The following ACSL4 variants were observed in gnomAD, a reference collection of about 807,000 sequenced individuals.
ACSL4 encodes the protein acyl-CoA synthetase long chain family member 4, also known as long-chain-fatty-acid--CoA ligase 4.
A neutral mutation model predicts 49.1 loss-of-function variants in ACSL4; 9 were observed. The ratio of observed to expected loss-of-function variants is 0.18; its 90% confidence interval spans 0.11 to 0.32. The LOEUF is 0.32. Ranked by LOEUF, ACSL4 falls within the 10% of genes least tolerant of loss-of-function variation. The pLI, the probability that ACSL4 is intolerant of heterozygous loss-of-function variation, is 1.00. For missense variants in ACSL4, 333 were observed against 493.7 expected, an observed-to-expected ratio of 0.67 and a Z score of 3.08; for synonymous variants, 191 against 170.3, an observed-to-expected ratio of 1.12 and a Z score of -0.95.
chrX:109,675,434 A>G (rs192293513), intron 8 of ACSL4, among the ~76,000 whole-genome samples: 216 of 112,600 alleles, frequency 1.9e-3, no homozygotes, highest in African/African-American at 6.5e-3. Flanking sequence ...CTGATTTCCT[A>G]TGTGAAGCAA....
chrX:109,728,925 A>G (rs1184684654), intron 1 of ACSL4, among the ~76,000 whole-genome samples: 1 of 111,517 alleles, frequency 9.0e-6, no homozygotes, highest in Non-Finnish European at 1.9e-5. Flanking sequence ...ATTAAGAATA[A>G]AAAGGCCAGG....
chrX:109,681,618 G>A (rs1457192589), intron 4 of ACSL4, among the ~76,000 whole-genome samples: 2 of 111,647 alleles, frequency 1.8e-5, no homozygotes, highest in Non-Finnish European at 3.8e-5. Context: ...AGAAACACTC[G>A]CACTGCCACA....
chrX:109,706,422 T>G (rs1038408620), intron 1 of ACSL4, among the ~76,000 whole-genome samples: 2 of 112,398 alleles, frequency 1.8e-5, no homozygotes, highest in African/African-American at 6.5e-5. Context: ...ACACCATTCC[T>G]TTTCCTTCAG....
chrX:109,650,961 G>C (rs1921070349), intron 15 of ACSL4, among the ~76,000 whole-genome samples: 1 of 111,651 alleles, frequency 9.0e-6, no homozygotes, highest in African/African-American at 3.2e-5. Flanking sequence ...TTCAAATGCA[G>C]ATAAAAAAGG....
At chrX:109,704,556 G>T (rs747685475) in intron 1 of ACSL4, among the ~76,000 whole-genome samples, 3 of 111,876 alleles carry the variant, frequency 2.7e-5, no homozygotes, top group South Asian at 3.7e-4. Context: ...TAGACTCTCA[G>T]AACCAAAATA....
At chrX:109,648,785 C>G (rs1260963522) in intron 15 of ACSL4, among the ~76,000 whole-genome samples, 1 of 101,005 alleles carries the variant, frequency 9.9e-6, no homozygotes, top group African/African-American at 3.6e-5. Context: ...CCCATTGTCT[C>G]AGCCCAAAAT....
At chrX:109,683,398 C>A in intron 2 of ACSL4, 23 bp from the exon 3 acceptor site, 1 of 1,210,884 alleles carries the variant, frequency 8.3e-7, no homozygotes, top group Non-Finnish European at 1.1e-6. Context: ...AAGAAAATAC[C>A]ATGGAATAAA....
At chrX:109,648,190 C>T (rs1934822047) in intron 15 of ACSL4, among the ~76,000 whole-genome samples, 2 of 111,456 alleles carry the variant, frequency 1.8e-5, no homozygotes, top group South Asian at 7.5e-4. Context: ...CAGCATCATC[C>T]TGATACCAAA....
intron 2 of ACSL4, among the ~76,000 whole-genome samples, chrX:109,688,018 G>A (rs1924743860): frequency 9.0e-6 from 1 of 111,497 alleles, no homozygotes; most frequent in African/African-American, 3.3e-5. Flanking sequence ...ACTTGTGATT[G>A]CTACCTCAAA....
rs1043136257 is a variant in ACSL4, at chrX:109,683,170, T to C, written c.194A>G (p.Asn65Ser). The change falls in exon 3 of 16, where the codon AAT becomes AGT. Residue 65 changes from asparagine (N) to serine (S), a missense_variant. Transcript: ENST00000672401. ...LGTREILSEE[N>S]EMQPNGKVFK... ...AACTTTTCCATTTGGCTGCATTTCA[T>C]TTTCTTCACTTAGGATTTCCCTGGT... 2 of 1,210,143 alleles carry C rather than the reference T, an allele frequency of 1.7e-6. No individual in the cohort carries two copies. Among genetic ancestry groups the C allele is most frequent in the Non-Finnish European group, 2.2e-6 (2 of 895,219 alleles).
chrX:109,680,122 C>T (rs1278139320), intron 6 of ACSL4, among the ~76,000 whole-genome samples: 1 of 111,559 alleles, frequency 9.0e-6, no homozygotes, highest in Non-Finnish European at 1.9e-5. Context: ...TCTTATGACA[C>T]AAATGCTGAT....
intron 10 of ACSL4, 141 bp downstream of exon 10, chrX:109,668,893 G>A: frequency 2.1e-6 from 1 of 476,130 alleles, no homozygotes; most frequent in South Asian, 4.1e-5. Context: ...ATAAGACTTA[G>A]AATAAAAGAG....
chrX:109,653,280 C>A (rs1921311368), intron 15 of ACSL4, among the ~76,000 whole-genome samples: 1 of 111,640 alleles, frequency 9.0e-6, no homozygotes, highest in Admixed American at 9.5e-5. Context: ...GTTAGAATGG[C>A]AATCATTAAA....
rs201456393 is a variant in ACSL4, at chrX:109,644,195, A to G, written c.1856-9T>C. 4.5e-4 allele frequency: 541 copies of G among 1,198,558 alleles called. No homozygotes were observed. Among genetic ancestry groups the G allele is most frequent in the Non-Finnish European group, 5.8e-4 (517 of 887,224 alleles). On this transcript the variant is annotated splice_polypyrimidine_tract_variant and intron_variant, in intron 15 of 15. Transcript: ENST00000672401. ...AAATCGCTCCAATTTCACTGAAATT[A>G]GAAGTGAAAGATGGGAGAAAAGGAG... is the stretch of plus-strand genomic sequence containing the variant.
chrX:109,708,567 A>C (rs1295579544), intron 1 of ACSL4, among the ~76,000 whole-genome samples: 1 of 112,209 alleles, frequency 8.9e-6, no homozygotes, highest in Non-Finnish European at 1.9e-5. Context: ...ATAACCTATA[A>C]GCTAAATAAA....
intron 8 of ACSL4, among the ~76,000 whole-genome samples, chrX:109,677,604 C>T (rs1327159690): frequency 1.8e-5 from 2 of 109,142 alleles, no homozygotes. Context: ...CATGGCGAAA[C>T]CCCATCTCTA....
chrX:109,697,271 T>G (rs1009871754), intron 1 of ACSL4, among the ~76,000 whole-genome samples: 1 of 111,968 alleles, frequency 8.9e-6, no homozygotes, highest in African/African-American at 3.2e-5. Flanking sequence ...TCTGAAGAAC[T>G]GAGGCTTTAT....
At chrX:109,683,108 A>G in intron 3 of ACSL4, 28 bp downstream of exon 3, 1 of 1,185,455 alleles carries the variant, frequency 8.4e-7, no homozygotes, top group Non-Finnish European at 1.1e-6. Flanking sequence ...TCTTTAAAAC[A>G]TAAATGAAAA....
chrX:109,644,037 C>G lies in ACSL4; in HGVS notation c.2005G>C (p.Gly669Arg). 1 of 1,211,379 alleles carries G rather than the reference C, an allele frequency of 8.3e-7. No homozygotes were observed. The highest frequency in any genetic ancestry group is 1.8e-5 in the South Asian group (1 of 56,985). Residue 669 changes from glycine (G) to arginine (R), a missense_variant, in exon 16 of 16, where the codon GGC becomes CGC. Gly to Arg is a moderately radical substitution (Grantham distance 125). Around this residue, in one of 3 missense-constraint regions of ACSL4, gnomAD observed 175 missense variants for 275.8 expected, o/e 0.63. Transcript: ENST00000672401. ...AATAAGACAACAACATTTTATTTGCCCCCATACATTCGTTCAATGTCTTTG... is the reference window on the plus strand; with the variant it reads ...AATAAGACAACAACATTTTATTTGCGCCCATACATTCGTTCAATGTCTTTG... ...YLKDIERMYG[G>R]K
Sources: gnomAD v4.1 joint callset for allele counts (sites outside exome capture counted in the v4.1 genomes callset) on GRCh38, gnomAD v4.1.1 for gene constraint, gnomAD v4.1.1 regional missense constraint, MANE v1.5 for transcripts, NCBI Gene and HGNC (gene_info 2026-07-23, HGNC 2026-07-21) for gene names.